L2HGDH: variants seen among roughly 807,000 people sequenced by gnomAD.
The protein encoded by L2HGDH is L-2-hydroxyglutarate dehydrogenase.
A neutral mutation model predicts 51.5 loss-of-function variants in L2HGDH; 34 were observed. The ratio of observed to expected loss-of-function variants is 0.66; its 90% CI spans 0.50 to 0.88. The LOEUF is 0.88. L2HGDH is among the 40% of genes least tolerant of loss of function. The pLI, the probability that L2HGDH is intolerant of heterozygous loss-of-function variation, is 0.00. For synonymous variants in L2HGDH, 198 were observed against 197.9 expected, an observed-to-expected ratio of 1.00 and a Z score of -0.01; for missense variants, 558 against 571.9, an observed-to-expected ratio of 0.98 and a Z score of 0.25.
Position 50,245,178 on chromosome 14 carries a change from T to A in L2HGDH, c.*1880A>T. The A allele has an allele frequency of 3.0e-6, 3 of 985,544 alleles. No homozygotes were observed. Among genetic ancestry groups the A allele is most frequent in the Non-Finnish European group, 3.6e-6 (3 of 829,914 alleles). The allele number at this position is 985,544 out of a possible 1,614,324, so 61.0% of individuals were successfully genotyped here. On this transcript the variant is annotated 3_prime_UTR_variant, in exon 10 of 10. Transcript: ENST00000267436. Reference sequence around the variant, plus strand: ...GGAAAAATATCCCTATACAAGTTTATAGGAGCCCTGAAAAATCAAGTACGT... The same window carrying A: ...GGAAAAATATCCCTATACAAGTTTAAAGGAGCCCTGAAAAATCAAGTACGT...
intron 5 of L2HGDH, among the ~76,000 whole-genome samples, chr14:50,283,549 G>C (rs1300752651): frequency 6.6e-6 from 1 of 152,028 alleles, no homozygotes; most frequent in Non-Finnish European, 1.5e-5. Flanking sequence ...AAGGAGGATT[G>C]GTTCCAGGAA....
chr14:50,276,077 G>C (rs1161643764), intron 6 of L2HGDH, among the ~76,000 whole-genome samples: 1 of 152,194 alleles, frequency 6.6e-6, no homozygotes, highest in Non-Finnish European at 1.5e-5. Flanking sequence ...CCACAACTAG[G>C]CTTGGGGATG....
chr14:50,251,008 T>C (rs1168193771), intron 9 of L2HGDH, among the ~76,000 whole-genome samples: 2 of 151,900 alleles, frequency 1.3e-5, no homozygotes, highest in South Asian at 2.1e-4. Flanking sequence ...ATACATAACC[T>C]CCTCAAATAA....
chr14:50,267,364 A>C (rs1162833238), intron 8 of L2HGDH, among the ~76,000 whole-genome samples: 1 of 151,938 alleles, frequency 6.6e-6, no homozygotes, highest in East Asian at 1.9e-4. Flanking sequence ...TTGTATTTTT[A>C]GTAGAGATGG....
rs1373909110 is a variant in L2HGDH at position 50,308,922 on chromosome 14, A to G, written c.140+3089T>C. On this transcript the variant is annotated intron_variant, in intron 1 of 9. Coordinates refer to ENST00000267436, the MANE Select transcript of L2HGDH (RefSeq NM_024884.3). ...TGATGTATCCATACCATGGAATTCTATTCAACAATTTTGAAAAACCTGCTA... is the reference window on the plus strand; with the variant it reads ...TGATGTATCCATACCATGGAATTCTGTTCAACAATTTTGAAAAACCTGCTA... Among the ~76,000 whole-genome samples the G allele has an allele frequency of 7.2e-5, 11 of 152,342 alleles. No individual in the cohort carries two copies. The South Asian group carries it at 1.7e-3, about 23-fold the overall frequency.
intron 9 of L2HGDH, among the ~76,000 whole-genome samples, chr14:50,256,559 G>C (rs896955599): frequency 6.6e-6 from 1 of 151,136 alleles, no homozygotes; most frequent in South Asian, 2.1e-4. Flanking sequence ...CTAGCACATA[G>C]ATTTTTTTAA....
Position 50,247,235 on chromosome 14 carries a change from T to A in L2HGDH, c.1215A>T (p.Arg405Ser). Residue 405 changes from arginine (R) to serine (S), a missense_variant, in exon 10 of 10, where the codon AGA becomes AGT. By Grantham distance (110) the Arg-to-Ser change is moderately radical. This residue lies in a region of L2HGDH where 321 missense variants were observed against 311.8 expected (regional missense o/e 1.03). Coordinates refer to ENST00000267436, the MANE Select transcript of L2HGDH (RefSeq NM_024884.3). ...TTCCATCTCTATCCAGGGCCTGGGC[T>A]CTTACTCCAGCTGGGCCCCTGCAAA... ...SDILRGPAGV[R>S]AQALDRDGNL... 1 of 1,613,746 alleles carries A rather than the reference T, an allele frequency of 6.2e-7. No homozygotes were observed. Among genetic ancestry groups the A allele is most frequent in the Non-Finnish European group, 8.5e-7 (1 of 1,179,830 alleles).
At chr14:50,264,930 T>C (rs1889254287) in intron 9 of L2HGDH, among the ~76,000 whole-genome samples, 1 of 152,236 alleles carries the variant, frequency 6.6e-6, no homozygotes. Flanking sequence ...AATGTGCTTA[T>C]TACCTAATTA....
At position 50,244,691 on chromosome 14, in the gene L2HGDH, G is replaced by A. The variant is rs1887924803; in HGVS notation, c.*2367C>T. 2 of 985,442 alleles carry A rather than the reference G, an allele frequency of 2.0e-6. No individual in the cohort carries two copies. The highest frequency in any genetic ancestry group is 2.4e-6 in the Non-Finnish European group (2 of 829,940). 61.0% of individuals were successfully genotyped at this position (985,442 alleles called of 1,614,324 possible). ...TACTTCTTAAACATGAGCTGATGAAGTGTAGCCTTTCAAATTAATGGATGA... is the reference window on the plus strand; with the variant it reads ...TACTTCTTAAACATGAGCTGATGAAATGTAGCCTTTCAAATTAATGGATGA... On this transcript the variant is annotated 3_prime_UTR_variant, in exon 10 of 10. Transcript: ENST00000267436.
chr14:50,243,617 T>C lies in L2HGDH; in HGVS notation c.*3441A>G. ...TTTACAAGCAGAATAACCTACATAT[T>C]CAAAACACTTTCAACAAATTTTTCA... On this transcript the variant is annotated 3_prime_UTR_variant, in exon 10 of 10. Transcript: ENST00000267436. 1.3e-6 allele frequency: 1 copy of C among 785,788 alleles called. No homozygotes were observed. The highest frequency in any genetic ancestry group is 1.5e-6 in the Non-Finnish European group (1 of 649,350). 48.7% of individuals were successfully genotyped at this position (785,788 alleles called of 1,614,324 possible).
chr14:50,275,019 A>G (rs1385505810), intron 6 of L2HGDH, among the ~76,000 whole-genome samples: 1 of 152,170 alleles, frequency 6.6e-6, no homozygotes, highest in Non-Finnish European at 1.5e-5. Context: ...CAAACTTTCA[A>G]TTATAGGATG....
At chr14:50,276,066 A>T (rs1889964370) in intron 6 of L2HGDH, among the ~76,000 whole-genome samples, 1 of 152,226 alleles carries the variant, frequency 6.6e-6, no homozygotes, top group African/African-American at 2.4e-5. Context: ...ATGAGTTGCT[A>T]CCACAACTAG....
In L2HGDH at chr14:50,265,490, C is replaced by T. The variant is rs749697618; in HGVS notation, c.1065-1G>A. On this transcript the variant is annotated splice_acceptor_variant, in intron 8 of 9. Coordinates refer to ENST00000267436, the MANE Select transcript of L2HGDH (RefSeq NM_024884.3). LOFTEE classifies it high-confidence loss of function. Reference sequence around the variant, plus strand: ...CTGGGATGCCAGTTTAATCAAGCCACTGAAAACAGAGAAAAAAAATCTTTA... The same window carrying T: ...CTGGGATGCCAGTTTAATCAAGCCATTGAAAACAGAGAAAAAAAATCTTTA... 1 of 1,611,826 alleles carries T rather than the reference C, an allele frequency of 6.2e-7. No individual in the cohort carries two copies. Among genetic ancestry groups the T allele is most frequent in the South Asian group, 1.1e-5 (1 of 90,922 alleles).
At chr14:50,271,221 G>A (rs1025683520) in intron 6 of L2HGDH, among the ~76,000 whole-genome samples, 5 of 152,202 alleles carry the variant, frequency 3.3e-5, no homozygotes, top group Non-Finnish European at 7.3e-5. Context: ...AGAAATATGA[G>A]AAGTATTTTT....
chr14:50,297,579 T>C (rs1448314554), intron 3 of L2HGDH, among the ~76,000 whole-genome samples: 1 of 152,166 alleles, frequency 6.6e-6, no homozygotes, highest in Non-Finnish European at 1.5e-5. Flanking sequence ...CTAACAGATA[T>C]TTACAGAGAG....
chr14:50,244,560 TA>T lies in L2HGDH; in HGVS notation c.*2497del, dbSNP rs1887920509. ...CATTTCTTGCAGGAATCAGCTGTTA[TA>T]AAGAAACATTAGGGCTTGTTTCTTC... is the stretch of plus-strand genomic sequence containing the variant. On this transcript the variant is annotated 3_prime_UTR_variant, in exon 10 of 10. Transcript: ENST00000267436. The T allele has an allele frequency of 1.0e-6, 1 of 985,334 alleles. No homozygotes were observed. Among genetic ancestry groups the T allele is most frequent in the African/African-American group, 1.7e-5 (1 of 57,258 alleles). The allele number at this position is 985,334 out of a possible 1,614,324, so 61.0% of individuals were successfully genotyped here. A position where few individuals can be genotyped will look rare whatever the true frequency, so the allele number is the denominator to read the frequency against.
chr14:50,273,903 AC>A (rs1162017511), intron 6 of L2HGDH, among the ~76,000 whole-genome samples: 10 of 151,922 alleles, frequency 6.6e-5, no homozygotes, highest in East Asian at 3.9e-4. Context: ...ACATGTAGAA[AC>A]CCCATCTCTA....
At chr14:50,293,194 C>A in intron 4 of L2HGDH, 2 of 701,516 alleles carry the variant, frequency 2.9e-6, no homozygotes, top group South Asian at 3.0e-5. Flanking sequence ...AGACATAGAC[C>A]CGCCACATAC....
chr14:50,248,738 G>A (rs531849527), intron 9 of L2HGDH, among the ~76,000 whole-genome samples: 2 of 152,308 alleles, frequency 1.3e-5, no homozygotes, highest in Admixed American at 1.3e-4. Context: ...GGAGTGAGTG[G>A]AGCAAGACGG....
Sources: allele counts gnomAD v4.1 joint callset (sites outside exome capture counted in the v4.1 genomes callset), GRCh38; gene constraint gnomAD v4.1.1; regional missense constraint gnomAD v4.1.1; transcripts MANE v1.5; gene names NCBI Gene and HGNC (gene_info 2026-07-23, HGNC 2026-07-21).